Variants in MARCHF1 observed in about 807,000 individuals in gnomAD.
MARCHF1 encodes E3 ubiquitin-protein ligase MARCHF1.
MARCHF1 carries 40 observed loss-of-function variants against 54.2 expected under a neutral mutation model. That is an observed-to-expected ratio of 0.74 (90% CI 0.57 to 0.96). MARCHF1 has a LOEUF of 0.96. MARCHF1 is among the 40% of genes least tolerant of loss of function. The pLI is 0.00. For synonymous variants in MARCHF1, 236 were observed against 236.3 expected (o/e 1.00, Z 0.01); for missense variants, 586 against 656.5 (o/e 0.89, Z 1.17).
intron 1 of MARCHF1, among the ~76,000 whole-genome samples, chr4:164,203,895 T>A (rs937939312): frequency 2.0e-5 from 3 of 152,204 alleles, no homozygotes; most frequent in African/African-American, 7.2e-5. Context: ...TTGTAAAATG[T>A]GTTTTATTCT....
intron 3 of MARCHF1, among the ~76,000 whole-genome samples, chr4:163,956,330 G>A (rs1272307156): frequency 4.6e-5 from 7 of 152,064 alleles, no homozygotes; most frequent in African/African-American, 1.7e-4. Context: ...AATACTTCTT[G>A]AATGAACGAC....
chr4:164,361,436 G>A (rs1488172706), intron 1 of MARCHF1, among the ~76,000 whole-genome samples: 1 of 152,068 alleles, frequency 6.6e-6, no homozygotes, highest in Non-Finnish European at 1.5e-5. Flanking sequence ...TAAAGAAATT[G>A]GATGTCATTC....
intron 4 of MARCHF1, among the ~76,000 whole-genome samples, chr4:163,721,577 T>C (rs1427789868): frequency 2.6e-5 from 4 of 152,184 alleles, no homozygotes; most frequent in African/African-American, 9.7e-5. Flanking sequence ...TCTTTTTCTA[T>C]TGATTGGAAT....
chr4:163,821,494 G>A (rs1352919504), intron 4 of MARCHF1, among the ~76,000 whole-genome samples: 3 of 151,960 alleles, frequency 2.0e-5, no homozygotes, highest in African/African-American at 7.2e-5. Flanking sequence ...TGATACATTT[G>A]TGGAAAGTAA....
intron 2 of MARCHF1, among the ~76,000 whole-genome samples, chr4:164,007,249 G>A (rs546059322): frequency 4.7e-5 from 7 of 148,912 alleles, no homozygotes; most frequent in African/African-American, 1.7e-4. Flanking sequence ...GGGAGGCTGA[G>A]GCAGGAGAAT....
At chr4:164,214,333 C>A (rs921418618) in intron 1 of MARCHF1, among the ~76,000 whole-genome samples, 4 of 152,122 alleles carry the variant, frequency 2.6e-5, no homozygotes, top group African/African-American at 7.2e-5. Context: ...TGCTTCCTAT[C>A]TGGTTAACAT....
chr4:164,243,964 T>G (rs1024124845), intron 1 of MARCHF1, among the ~76,000 whole-genome samples: 5 of 151,906 alleles, frequency 3.3e-5, no homozygotes, highest in African/African-American at 7.3e-5. Flanking sequence ...AAAGCAAGTC[T>G]GAGTGACCTA....
At chr4:163,858,964 C>A (rs1223842149) in intron 3 of MARCHF1, among the ~76,000 whole-genome samples, 1 of 152,036 alleles carries the variant, frequency 6.6e-6, no homozygotes, top group East Asian at 1.9e-4. Context: ...TTAATTTCTG[C>A]AAGTAGGATG....
rs185559215 is a variant in MARCHF1 at position 163,623,170 on chromosome 4, G to A, written c.163-9777C>T. Reference sequence around the variant, plus strand: ...ATCCAAGAGAAGTTTTGTTGGCAGCGCAGACTGAAGCACTAGGATCAGGAG... The same window carrying A: ...ATCCAAGAGAAGTTTTGTTGGCAGCACAGACTGAAGCACTAGGATCAGGAG... On this transcript the variant is annotated intron_variant, in intron 5 of 9. Transcript: ENST00000514618. 2.8e-4 allele frequency among the ~76,000 whole-genome samples: 43 copies of A among 152,252 alleles called. No homozygotes were observed. The East Asian group carries it at 7.9e-3, about 28-fold the overall frequency.
intron 3 of MARCHF1, among the ~76,000 whole-genome samples, chr4:163,919,829 T>C (rs554348110): frequency 5.7e-4 from 87 of 152,228 alleles, no homozygotes; most frequent in Admixed American, 1.8e-3. Flanking sequence ...TTTGTTTTAA[T>C]AGCATTTTTC....
intron 1 of MARCHF1, among the ~76,000 whole-genome samples, chr4:164,134,445 C>T (rs2110830463): frequency 6.6e-6 from 1 of 152,278 alleles, no homozygotes; most frequent in East Asian, 1.9e-4. Flanking sequence ...TACATTTTCT[C>T]TGCTATCTAA....
intron 5 of MARCHF1, among the ~76,000 whole-genome samples, chr4:163,630,691 A>G (rs1742042911): frequency 6.6e-6 from 1 of 152,206 alleles, no homozygotes; most frequent in African/African-American, 2.4e-5. Context: ...GAAGCAAAGC[A>G]TATTTCTATG....
intron 3 of MARCHF1, among the ~76,000 whole-genome samples, chr4:163,923,039 A>G (rs904977693): frequency 1.3e-5 from 2 of 152,202 alleles, no homozygotes; most frequent in Non-Finnish European, 2.9e-5. Context: ...CATGTATAAC[A>G]TTCACAAGGC....
intron 4 of MARCHF1, among the ~76,000 whole-genome samples, chr4:163,731,030 T>C (rs1331794836): frequency 6.6e-6 from 1 of 152,178 alleles, no homozygotes; most frequent in Non-Finnish European, 1.5e-5. Flanking sequence ...TGTGGAATGA[T>C]CTCTTCCAGT....
chr4:163,966,252 T>C (rs1752441438), intron 3 of MARCHF1, among the ~76,000 whole-genome samples: 1 of 152,036 alleles, frequency 6.6e-6, no homozygotes, highest in Admixed American at 6.6e-5. Flanking sequence ...ATTTTGCATA[T>C]AAGGGAGATG....
intron 4 of MARCHF1, among the ~76,000 whole-genome samples, chr4:163,842,489 G>T (rs1279840682): frequency 6.6e-6 from 1 of 151,956 alleles, no homozygotes; most frequent in Non-Finnish European, 1.5e-5. Flanking sequence ...CTTTACCTGA[G>T]CATATTTTTT....
At position 163,654,216 on chromosome 4, in the gene MARCHF1, A is replaced by G. The variant is rs762491078; in HGVS notation, c.163-40823T>C. ...TGTTCACCTTGATCATTGAAACATG[A>G]TGGTAGAAAGCCTGACTAGAGGATG... On this transcript the variant is annotated intron_variant, in intron 5 of 9. Coordinates refer to ENST00000514618, the MANE Select transcript of MARCHF1 (RefSeq NM_001394959.1). 1.9e-4 allele frequency among the ~76,000 whole-genome samples: 29 copies of G among 151,730 alleles called. 1 individual carries two copies. The highest frequency in any genetic ancestry group is 3.8e-4 in the Non-Finnish European group (26 of 67,804).
chr4:163,799,199 T>C (rs2110966667), intron 4 of MARCHF1, among the ~76,000 whole-genome samples: 2 of 152,278 alleles, frequency 1.3e-5, no homozygotes, highest in South Asian at 4.1e-4. Flanking sequence ...AGCAGCTCCC[T>C]ATCTGGATAG....
At chr4:163,683,255 A>G (rs1377176591) in intron 5 of MARCHF1, among the ~76,000 whole-genome samples, 1 of 152,200 alleles carries the variant, frequency 6.6e-6, no homozygotes, top group Non-Finnish European at 1.5e-5. Flanking sequence ...CGGAAGGTAA[A>G]AGGCACATCT....
Sources: gnomAD v4.1 joint callset for allele counts (sites outside exome capture counted in the v4.1 genomes callset) on GRCh38, gnomAD v4.1.1 for gene constraint, MANE v1.5 for transcripts, NCBI Gene and HGNC (gene_info 2026-07-23, HGNC 2026-07-21) for gene names.